Variants in SLC36A1 observed in about 807,000 individuals in gnomAD.
SLC36A1 encodes solute carrier family 36 member 1, also known as proton-coupled amino acid transporter 1.
SLC36A1 carries 30 observed loss-of-function variants against 47.5 expected under a neutral mutation model. The ratio of observed to expected loss-of-function variants is 0.63; its 90% CI spans 0.47 to 0.86. SLC36A1 has a LOEUF of 0.86. Ranked by LOEUF, SLC36A1 falls within the 40% of genes least tolerant of loss-of-function variation. The pLI, the probability that SLC36A1 is intolerant of heterozygous loss-of-function variation, is 0.00. For synonymous variants in SLC36A1, 255 were observed against 249.7 expected (o/e 1.02, Z -0.20); for missense variants, 517 against 606.0 (o/e 0.85, Z 1.54).
the SLC36A1 span, among the ~76,000 whole-genome samples, chr5:151,501,318 G>A: frequency 6.6e-6 from 1 of 151,822 alleles, no homozygotes; most frequent in South Asian, 2.1e-4. Flanking sequence ...CCTGCGTGGT[G>A]TCTCCCACGG....
chr5:151,509,973 G>C, the SLC36A1 span: 2 of 1,594,924 alleles, frequency 1.3e-6, no homozygotes, highest in Non-Finnish European at 1.7e-6. Flanking sequence ...AGTACAGAGC[G>C]CATTCCCTAA....
intron 1 of SLC36A1, among the ~76,000 whole-genome samples, chr5:151,440,060 C>T (rs2127439906): frequency 6.6e-6 from 1 of 152,296 alleles, no homozygotes; most frequent in Middle Eastern, 3.4e-3. Context: ...ATTACCCAGA[C>T]CACCCACAGG....
chr5:151,378,134 A>G, the SLC36A1 span: 10 of 329,554 alleles, frequency 3.0e-5, no homozygotes, highest in Non-Finnish European at 6.0e-6. Context: ...TGATGTCTCC[A>G]TGCAAGAAAA....
chr5:151,364,467 A>G, the SLC36A1 span, among the ~76,000 whole-genome samples: 1 of 152,202 alleles, frequency 6.6e-6, no homozygotes, highest in Non-Finnish European at 1.5e-5. Context: ...CAGTTTCTCT[A>G]CATCCTCATC....
the SLC36A1 span, among the ~76,000 whole-genome samples, chr5:151,529,555 C>T: frequency 1.3e-5 from 2 of 150,960 alleles, no homozygotes; most frequent in East Asian, 1.9e-4. Flanking sequence ...TCCCCTTGAC[C>T]CCCTTCCCCA....
the SLC36A1 span, among the ~76,000 whole-genome samples, chr5:151,392,022 G>C: frequency 2.6e-5 from 4 of 151,946 alleles, no homozygotes; most frequent in African/African-American, 9.7e-5. Flanking sequence ...GCTGTGAATC[G>C]GTCTGGTCCT....
At chr5:151,356,339 C>CAAAAA in the SLC36A1 span, among the ~76,000 whole-genome samples, 166 of 51,248 alleles carry the variant, frequency 3.2e-3, 5 homozygotes, top group East Asian at 0.027. Context: ...CTCTGTCTCA[C>CAAAAA]AAAAAAAAAA....
the SLC36A1 span, among the ~76,000 whole-genome samples, chr5:151,360,485 G>A: frequency 2.6e-5 from 4 of 152,142 alleles, no homozygotes; most frequent in Admixed American, 2.0e-4. Context: ...GGCTGAGGAG[G>A]AGGAGGAAAA....
At chr5:151,373,562 C>CT in the SLC36A1 span, among the ~76,000 whole-genome samples, 1 of 151,884 alleles carries the variant, frequency 6.6e-6, no homozygotes, top group Non-Finnish European at 1.5e-5. Flanking sequence ...GAAGTAAAGC[C>CT]TTTTTTTAAA....
chr5:151,356,339 C>CAAAAAAA, the SLC36A1 span, among the ~76,000 whole-genome samples: 700 of 51,268 alleles, frequency 0.014, 46 homozygotes, highest in Non-Finnish European at 0.016. Context: ...CTCTGTCTCA[C>CAAAAAAA]AAAAAAAAAA....
the SLC36A1 span, chr5:151,521,227 G>A: frequency 1.3e-6 from 2 of 1,536,758 alleles, no homozygotes; most frequent in Non-Finnish European, 1.8e-6. Flanking sequence ...GAGTCAGGCG[G>A]GCTGAGCCCA....
At chr5:151,460,794 T>C (rs1435949111) in intron 2 of SLC36A1, among the ~76,000 whole-genome samples, 1 of 149,926 alleles carries the variant, frequency 6.7e-6, no homozygotes, top group African/African-American at 2.5e-5. Context: ...TTGAGCTGGG[T>C]TCCTTTTATA....
chr5:151,547,756 G>C, the SLC36A1 span, among the ~76,000 whole-genome samples: 1 of 152,046 alleles, frequency 6.6e-6, no homozygotes, highest in African/African-American at 2.4e-5. Flanking sequence ...ATATCACACT[G>C]CTGAAAGAAA....
chr5:151,409,804 G>A, the SLC36A1 span, among the ~76,000 whole-genome samples: 1 of 152,184 alleles, frequency 6.6e-6, no homozygotes, highest in South Asian at 2.1e-4. Flanking sequence ...CAAATCAGCT[G>A]GGGAAATGTA....
At chr5:151,384,185 T>A in the SLC36A1 span, among the ~76,000 whole-genome samples, 4 of 152,196 alleles carry the variant, frequency 2.6e-5, no homozygotes, top group East Asian at 5.8e-4. Flanking sequence ...TCAGGAGACC[T>A]GTGTTCTAGT....
chr5:151,461,159 T>G (rs1438308765), intron 2 of SLC36A1, among the ~76,000 whole-genome samples: 1 of 151,014 alleles, frequency 6.6e-6, no homozygotes, highest in Admixed American at 6.6e-5. Context: ...TTTGTATTTT[T>G]TTTTTTTTTT....
At chr5:151,440,520 G>T (rs773033939) in intron 1 of SLC36A1, among the ~76,000 whole-genome samples, 1 of 151,720 alleles carries the variant, frequency 6.6e-6, no homozygotes, top group African/African-American at 2.4e-5. Flanking sequence ...ACTGGGTAGG[G>T]TTGCTATGAC....
Position 151,488,620 on chromosome 5 carries a change from C to G in SLC36A1, c.*366C>G, listed in dbSNP as rs947559856. 1 of 215,046 alleles carries G rather than the reference C, an allele frequency of 4.7e-6. No homozygotes were observed. Among genetic ancestry groups the G allele is most frequent in the African/African-American group, 2.3e-5 (1 of 43,872 alleles). The allele number at this position is 215,046 out of a possible 1,614,324, so 13.3% of individuals were successfully genotyped here. ...ACTTTATTTAACAATTTTCATGTCC[C>G]CCACCTCATGTTTTCACCTTTTCTG... is the stretch of plus-strand genomic sequence containing the variant. On this transcript the variant is annotated 3_prime_UTR_variant, in exon 11 of 11. Coordinates refer to ENST00000243389, the MANE Select transcript of SLC36A1 (RefSeq NM_078483.4).
intron 8 of SLC36A1, among the ~76,000 whole-genome samples, chr5:151,475,067 C>T (rs529700702): frequency 3.3e-5 from 5 of 152,200 alleles, no homozygotes; most frequent in Non-Finnish European, 7.3e-5. Context: ...ATACCTTGCC[C>T]TGTGCTCTAT....
Sources: gnomAD v4.1 joint callset for allele counts (sites outside exome capture counted in the v4.1 genomes callset) on GRCh38, gnomAD v4.1.1 for gene constraint, MANE v1.5 for transcripts, NCBI Gene and HGNC (gene_info 2026-07-23, HGNC 2026-07-21) for gene names.